FANCB: variants seen among roughly 807,000 people sequenced by gnomAD.
FANCB encodes FA complementation group B, also known as Fanconi anemia group B protein.
A neutral mutation model predicts 38.9 loss-of-function variants in FANCB; 5 were observed. The ratio of observed to expected loss-of-function variants is 0.13; its 90% CI spans 0.07 to 0.27. The LOEUF (loss-of-function observed/expected upper bound fraction) is 0.27. Among genes scored for constraint, FANCB ranks in the 10% least tolerant of loss-of-function variants. The pLI, the probability that FANCB is intolerant of heterozygous loss-of-function variation, is 1.00. For missense variants in FANCB, 573 were observed against 602.7 expected (o/e 0.95, Z 0.52); for synonymous variants, 236 against 215.4 (o/e 1.10, Z -0.84).
the FANCB span, among the ~76,000 whole-genome samples, chrX:14,784,712 C>T: frequency 1.8e-5 from 2 of 112,118 alleles, no homozygotes; most frequent in Admixed American, 9.5e-5. Context: ...GACACATGCA[C>T]GCATATGTTC....
At chrX:14,723,853 T>C in the FANCB span, among the ~76,000 whole-genome samples, 1 of 112,476 alleles carries the variant, frequency 8.9e-6, no homozygotes, top group Non-Finnish European at 1.9e-5. Context: ...TAGCATCTTA[T>C]AATTTTCCTT....
chrX:14,830,116 G>A, the FANCB span, among the ~76,000 whole-genome samples: 1 of 111,711 alleles, frequency 9.0e-6, no homozygotes, highest in South Asian at 3.8e-4. Context: ...GAGAAACAGG[G>A]TAACGGCCGG....
At chrX:14,711,957 A>G in the FANCB span, among the ~76,000 whole-genome samples, 1 of 112,817 alleles carries the variant, frequency 8.9e-6, no homozygotes, top group African/African-American at 3.2e-5. Flanking sequence ...CCTTTGTAAC[A>G]AATCTTCCGC....
At chrX:14,787,887 AT>A in the FANCB span, among the ~76,000 whole-genome samples, 1 of 39,440 alleles carries the variant, frequency 2.5e-5, no homozygotes, top group South Asian at 1.2e-3. Context: ...ATATATATAT[AT>A]ATATATATAT....
At chrX:14,751,209 C>T in the FANCB span, among the ~76,000 whole-genome samples, 31 of 112,353 alleles carry the variant, frequency 2.8e-4, no homozygotes, top group African/African-American at 9.7e-4. Context: ...CAGAGCAGCA[C>T]TGTTCAAATA....
chrX:14,703,408 T>C, the FANCB span, among the ~76,000 whole-genome samples: 1 of 111,722 alleles, frequency 9.0e-6, no homozygotes, highest in African/African-American at 3.3e-5. Context: ...TCCATTGCCA[T>C]GTGTACCTCT....
In FANCB at chrX:14,843,743, A is replaced by C; in HGVS notation, c.2404T>G (p.Leu802Val). The change falls in exon 10 of 10, where the codon TTA (leucine) becomes GTA (valine). Residue 802 changes from leucine to valine, a missense_variant. By Grantham distance (32) the Leu-to-Val change is conservative. Transcript: ENST00000650831. ...KGKSSVVAAALSDRRENIHPY... is the reference protein window; with the variant it reads ...KGKSSVVAAAVSDRRENIHPY... Reference sequence around the variant, plus strand: ...TGGATATTTTCCCTTCTGTCTGATAAAGCAGCCGCGACGACACTACTCTTT... The same window carrying C: ...TGGATATTTTCCCTTCTGTCTGATACAGCAGCCGCGACGACACTACTCTTT... The C allele has an allele frequency of 8.3e-7, 1 of 1,211,102 alleles. No individual in the cohort carries two copies. The highest frequency in any genetic ancestry group is 1.1e-6 in the Non-Finnish European group (1 of 895,276).
the FANCB span, among the ~76,000 whole-genome samples, chrX:14,797,750 G>A: frequency 4.6e-4 from 51 of 109,984 alleles, no homozygotes; most frequent in Non-Finnish European, 8.9e-4. Context: ...CTCTCAAAGA[G>A]GGGGGAGTTA....
At chrX:14,722,531 G>T in the FANCB span, among the ~76,000 whole-genome samples, 8 of 111,463 alleles carry the variant, frequency 7.2e-5, no homozygotes, top group South Asian at 3.1e-3. Flanking sequence ...AAGTGGAGGG[G>T]ATACAGACCC....
chrX:14,768,252 G>A, the FANCB span, among the ~76,000 whole-genome samples: 1 of 111,995 alleles, frequency 8.9e-6, no homozygotes, highest in Non-Finnish European at 1.9e-5. Flanking sequence ...ACTTTGGGCA[G>A]TATAGCCATT....
chrX:14,844,417 C>G, intron 9 of FANCB, 86 bp downstream of exon 9: 1 of 677,133 alleles, frequency 1.5e-6, no homozygotes, highest in Non-Finnish European at 2.4e-6. Flanking sequence ...TAATACAAAA[C>G]ACATGCGGAT....
At chrX:14,830,780 A>G in the FANCB span, among the ~76,000 whole-genome samples, 2,544 of 111,398 alleles carry the variant, frequency 0.023, 65 homozygotes, top group African/African-American at 0.079. Context: ...GTGCCTAAAT[A>G]TTTATCCGCT....
At chrX:14,820,561 G>A in the FANCB span, among the ~76,000 whole-genome samples, 1 of 111,820 alleles carries the variant, frequency 8.9e-6, no homozygotes, top group Non-Finnish European at 1.9e-5. Context: ...GAATAAAAAT[G>A]GGTTACATAA....
At chrX:14,821,915 T>C in the FANCB span, among the ~76,000 whole-genome samples, 1 of 111,648 alleles carries the variant, frequency 9.0e-6, no homozygotes, top group Non-Finnish European at 1.9e-5. Flanking sequence ...GGACATTCTC[T>C]CCTCCTTCAA....
At chrX:14,864,245 C>A (rs892929176) in intron 3 of FANCB, among the ~76,000 whole-genome samples, 16 of 111,702 alleles carry the variant, frequency 1.4e-4, no homozygotes, top group Non-Finnish European at 3.0e-4. Context: ...AGTGAAAATG[C>A]ACATCTACTA....
the FANCB span, chrX:14,690,689 G>GTC: frequency 1.9e-5 from 20 of 1,031,464 alleles, no homozygotes; most frequent in African/African-American, 3.4e-4. Flanking sequence ...GTGTGTGTGT[G>GTC]TGTCTCTCTC....
the FANCB span, among the ~76,000 whole-genome samples, chrX:14,799,399 A>G: frequency 1.8e-5 from 2 of 112,373 alleles, no homozygotes; most frequent in Non-Finnish European, 3.7e-5. Context: ...CAGTATCATT[A>G]AGATATACAG....
chrX:14,798,122 C>CTGTTT, the FANCB span, among the ~76,000 whole-genome samples: 1 of 108,142 alleles, frequency 9.2e-6, no homozygotes, highest in Non-Finnish European at 1.9e-5. Flanking sequence ...CTTTTCTTTC[C>CTGTTT]TGTTTTGTTT....
At chrX:14,797,232 G>A in the FANCB span, among the ~76,000 whole-genome samples, 1 of 111,908 alleles carries the variant, frequency 8.9e-6, no homozygotes, top group Non-Finnish European at 1.9e-5. Context: ...TTGCAAGGTA[G>A]GACTCTTCCT....
Sources: gnomAD v4.1 joint callset for allele counts (sites outside exome capture counted in the v4.1 genomes callset) on GRCh38, gnomAD v4.1.1 for gene constraint, MANE v1.5 for transcripts, NCBI Gene and HGNC (gene_info 2026-07-23, HGNC 2026-07-21) for gene names.